The following USH2A variants were observed in gnomAD, a reference collection of about 807,000 sequenced individuals.
USH2A encodes the protein usherin.
Under a neutral mutation model 538.9 loss-of-function variants are expected in USH2A, and 443 were observed. That is an observed-to-expected ratio of 0.82 (90% CI 0.76 to 0.89). The LOEUF (loss-of-function observed/expected upper bound fraction) is 0.89. USH2A is among the 40% of genes least tolerant of loss of function. The pLI, the probability that USH2A is intolerant of heterozygous loss-of-function variation, is 0.00. For missense variants in USH2A, 6,633 were observed against 6,324.8 expected (o/e 1.05, Z -1.65); for synonymous variants, 2,413 against 2,273.5 (o/e 1.06, Z -1.75).
chr1:216,059,958 A>G (rs2031117526), intron 30 of USH2A, among the ~76,000 whole-genome samples: 1 of 152,138 alleles, frequency 6.6e-6, no homozygotes, highest in Non-Finnish European at 1.5e-5. Flanking sequence ...TTCTTCTGGG[A>G]ATTTTCAGAA....
chr1:216,000,045 G>A (rs933245556), intron 33 of USH2A, among the ~76,000 whole-genome samples: 1 of 152,046 alleles, frequency 6.6e-6, no homozygotes, highest in Admixed American at 6.6e-5. Flanking sequence ...CAGGTAATAA[G>A]GGAATAAGAA....
At chr1:215,772,274 T>G (rs532272337) in intron 55 of USH2A, among the ~76,000 whole-genome samples, 1 of 152,296 alleles carries the variant, frequency 6.6e-6, no homozygotes, top group African/African-American at 2.4e-5. Context: ...CAACTGTAAC[T>G]TAATCCTGAA....
intron 14 of USH2A, among the ~76,000 whole-genome samples, chr1:216,228,952 T>A (rs2035619778): frequency 6.6e-6 from 1 of 152,070 alleles, no homozygotes; most frequent in Non-Finnish European, 1.5e-5. Context: ...GGTGGGCGGA[T>A]CACGAGTTCA....
At position 216,199,675 on chromosome 1, in the gene USH2A, T is replaced by C; in HGVS notation, c.3763A>G (p.Ser1255Gly). 1.2e-6 allele frequency: 2 copies of C among 1,614,154 alleles called. No individual in the cohort carries two copies. Among genetic ancestry groups the C allele is most frequent in the Non-Finnish European group, 1.7e-6 (2 of 1,180,000 alleles). ...RLSPPKMQKI[S>G]STELHVEWSP... ...CATTCTACATGAAGTTCTGTAGAAC[T>C]GATTTTCTGCATCTTAGGTGGACTT... The change falls in exon 17 of 72, where the codon AGT becomes GGT. Residue 1255 changes from serine to glycine, a missense_variant. Ser to Gly is a moderately conservative substitution (Grantham distance 56). Coordinates refer to ENST00000307340, the MANE Select transcript of USH2A (RefSeq NM_206933.4).
rs1392154735 is a variant in USH2A at position 216,013,361 on chromosome 1, G to A, written c.6326-12799C>T. ...GCTCGAAGCAGCCCTGAGAAACATC[G>A]CCCATTATCTCTCCATACCATCCCC... On this transcript the variant is annotated intron_variant, in intron 32 of 71. Coordinates refer to ENST00000307340, the MANE Select transcript of USH2A (RefSeq NM_206933.4). Among the ~76,000 whole-genome samples, 7 of 151,034 alleles carry A rather than the reference G, an allele frequency of 4.6e-5. No homozygotes were observed. The South Asian group carries it at 1.5e-3, about 32-fold the overall frequency.
chr1:215,792,198 AT>A (rs1214222869), intron 50 of USH2A, among the ~76,000 whole-genome samples: 1 of 152,258 alleles, frequency 6.6e-6, no homozygotes, highest in Admixed American at 6.5e-5. Flanking sequence ...GAAACTCCTA[AT>A]CAGTCATCTG....
At chr1:216,166,488 T>C (rs2034172151) in intron 21 of USH2A, among the ~76,000 whole-genome samples, 1 of 152,082 alleles carries the variant, frequency 6.6e-6, no homozygotes, top group Admixed American at 6.6e-5. Context: ...ATAAAAATAA[T>C]TCGTTTGAAG....
intron 55 of USH2A, among the ~76,000 whole-genome samples, chr1:215,773,969 G>A (rs945587145): frequency 3.3e-5 from 5 of 152,042 alleles, no homozygotes; most frequent in African/African-American, 4.8e-5. Flanking sequence ...GGATTATTTC[G>A]GGAGTTCACA....
intron 3 of USH2A, among the ~76,000 whole-genome samples, chr1:216,399,562 A>G (rs1421331853): frequency 1.3e-5 from 2 of 152,108 alleles, no homozygotes; most frequent in African/African-American, 2.4e-5. Context: ...GAGGCAGAAT[A>G]AGGTGATAGG....
At chr1:216,260,812 G>A (rs2036355662) in intron 11 of USH2A, among the ~76,000 whole-genome samples, 1 of 152,106 alleles carries the variant, frequency 6.6e-6, no homozygotes, top group African/African-American at 2.4e-5. Context: ...AAAGGATTAA[G>A]TGAAAGTCTG....
intron 32 of USH2A, among the ~76,000 whole-genome samples, chr1:216,001,311 T>C (rs920869219): frequency 2.0e-5 from 3 of 152,086 alleles, no homozygotes; most frequent in Admixed American, 1.3e-4. Flanking sequence ...TTTGAATGAA[T>C]GAATAATTAA....
chr1:216,067,175 A>T (rs971508407), intron 30 of USH2A, among the ~76,000 whole-genome samples: 1 of 152,142 alleles, frequency 6.6e-6, no homozygotes, highest in Non-Finnish European at 1.5e-5. Context: ...AAAACCAAAC[A>T]CTGCGAGTTC....
chr1:216,041,695 G>A (rs2030283403), intron 32 of USH2A, among the ~76,000 whole-genome samples: 1 of 152,028 alleles, frequency 6.6e-6, no homozygotes, highest in Non-Finnish European at 1.5e-5. Flanking sequence ...AGCTCGTGGA[G>A]AAGTCTCAAA....
intron 55 of USH2A, among the ~76,000 whole-genome samples, chr1:215,771,577 C>T (rs1426464626): frequency 4.9e-4 from 16 of 32,582 alleles, no homozygotes; most frequent in Non-Finnish European, 6.3e-4. Context: ...GAGACTCCGT[C>T]TCAAAAAAAA....
intron 14 of USH2A, among the ~76,000 whole-genome samples, chr1:216,224,451 T>G (rs536438567): frequency 6.6e-6 from 1 of 152,370 alleles, no homozygotes; most frequent in African/African-American, 2.4e-5. Context: ...AAATCATGTT[T>G]GCTTTATGTG....
chr1:216,022,809 C>T (rs1450725434), intron 32 of USH2A, among the ~76,000 whole-genome samples: 1 of 152,104 alleles, frequency 6.6e-6, no homozygotes, highest in Non-Finnish European at 1.5e-5. Flanking sequence ...TAAGGTGGCC[C>T]CTGGTGGAAA....
chr1:215,940,244 A>G (rs1666601579), intron 37 of USH2A, among the ~76,000 whole-genome samples: 1 of 152,100 alleles, frequency 6.6e-6, no homozygotes. Flanking sequence ...TTTTTCTGGT[A>G]TTAAGGTCTC....
chr1:215,762,311 C>T (rs1661002596), intron 56 of USH2A, among the ~76,000 whole-genome samples: 1 of 152,098 alleles, frequency 6.6e-6, no homozygotes, highest in South Asian at 2.1e-4. Context: ...ATCTTTTTCA[C>T]CTTGAACGAT....
chr1:215,724,475 G>A, intron 61 of USH2A, among the ~76,000 whole-genome samples: 1 of 151,842 alleles, frequency 6.6e-6, no homozygotes, highest in South Asian at 2.1e-4. Flanking sequence ...GAGGGAGGGA[G>A]GGAGCAGGGT....
Sources: allele counts gnomAD v4.1 joint callset (sites outside exome capture counted in the v4.1 genomes callset), GRCh38; gene constraint gnomAD v4.1.1; transcripts MANE v1.5; gene names NCBI Gene and HGNC (gene_info 2026-07-23, HGNC 2026-07-21).